Variants in RCOR3 observed in about 807,000 individuals in gnomAD.
RCOR3 encodes REST corepressor 3.
In RCOR3, 13 loss-of-function variants were observed where a neutral mutation model predicts 64.1. That is an observed-to-expected ratio of 0.20 (90% CI 0.13 to 0.32). The LOEUF (loss-of-function observed/expected upper bound fraction) is 0.32. Ranked by LOEUF, RCOR3 falls within the 10% of genes least tolerant of loss-of-function variation. RCOR3 has a pLI of 1.00. For synonymous variants in RCOR3, 215 were observed against 239.0 expected (o/e 0.90, Z 0.93); for missense variants, 489 against 701.2 (o/e 0.70, Z 3.42).
At chr1:211,267,209 CTG>C (rs1251406820) in intron 2 of RCOR3, among the ~76,000 whole-genome samples, 1 of 152,186 alleles carries the variant, frequency 6.6e-6, no homozygotes, top group African/African-American at 2.4e-5. Flanking sequence ...AGAAGGAAAA[CTG>C]AGGCACAGAC....
At chr1:211,279,382 C>G (rs1697460737) in intron 7 of RCOR3, 66 bp downstream of exon 7, 1 of 1,260,026 alleles carries the variant, frequency 7.9e-7, no homozygotes, top group African/African-American at 1.5e-5. Context: ...ATGAACAGTA[C>G]TTCGTATTAA....
At chr1:211,275,586 G>T (rs1046920662) in intron 4 of RCOR3, among the ~76,000 whole-genome samples, 2 of 152,054 alleles carry the variant, frequency 1.3e-5, no homozygotes, top group Non-Finnish European at 2.9e-5. Flanking sequence ...AAAGAGAAAG[G>T]CCTACTAAAA....
intron 2 of RCOR3, among the ~76,000 whole-genome samples, chr1:211,269,971 A>G (rs1357779499): frequency 6.6e-6 from 1 of 152,210 alleles, no homozygotes; most frequent in Non-Finnish European, 1.5e-5. Flanking sequence ...GTTTAAAAAG[A>G]AAGAAAGAAA....
chr1:211,316,128 A>G lies in RCOR3; in HGVS notation c.*2360A>G, dbSNP rs561780752. On this transcript the variant is annotated 3_prime_UTR_variant, in exon 12 of 12. Transcript: ENST00000419091. The stretch of plus-strand genomic sequence containing the variant: ...TAAAAGCAAAACTAGAAATCTTTTA[A>G]TGACAATTTTCATTAATTTCAGGGT... 38 of 152,324 alleles carry G rather than the reference A, an allele frequency of 2.5e-4. No individual in the cohort carries two copies. The highest frequency in any genetic ancestry group is 4.9e-4 in the Non-Finnish European group (33 of 68,020). The allele number at this position is 152,324 out of a possible 1,614,324, so 9.4% of individuals were successfully genotyped here.
At chr1:211,288,496 T>A (rs6671197) in intron 7 of RCOR3, among the ~76,000 whole-genome samples, 1 of 146,292 alleles carries the variant, frequency 6.8e-6, no homozygotes, top group African/African-American at 2.5e-5. Flanking sequence ...TAAATATTTA[T>A]AAATTATTTT....
intron 7 of RCOR3, among the ~76,000 whole-genome samples, chr1:211,282,768 G>A (rs973534345): frequency 6.6e-6 from 1 of 152,090 alleles, no homozygotes; most frequent in African/African-American, 2.4e-5. Flanking sequence ...CAGAGTGCTG[G>A]GATTACAGGC....
At position 211,313,259 on chromosome 1, in the gene RCOR3, T is replaced by G. The variant is rs1701673069; in HGVS notation, c.1318-165T>G. ...CTCATTGGTTTTTGGTTTTTGGTTT[T>G]GTTTTGTTTAAAATAAAAGAAGCTT... On this transcript the variant is annotated intron_variant, in intron 11 of 11. Coordinates refer to ENST00000419091, the MANE Select transcript of RCOR3 (RefSeq NM_001136223.3). The surrounding 1 kb of genome is among the most constrained non-coding windows in gnomAD (Gnocchi z 4.7). 4 of 1,431,770 alleles carry G rather than the reference T, an allele frequency of 2.8e-6. No individual in the cohort carries two copies. Among genetic ancestry groups the G allele is most frequent in the Non-Finnish European group, 3.6e-6 (4 of 1,098,686 alleles). 88.7% of individuals were successfully genotyped at this position (1,431,770 alleles called of 1,614,324 possible).
rs1696044697 is a variant in RCOR3 at position 211,270,758 on chromosome 1, CTAT to C, written c.224-473_224-471del. ...TTAGTTTTTATAAGCAAAATATTTACTATATGTAATGTAAATCTGTTTTCCTTC... is the reference window on the plus strand; with the variant it reads ...TTAGTTTTTATAAGCAAAATATTTACATGTAATGTAAATCTGTTTTCCTTC... On this transcript the variant is annotated intron_variant, in intron 2 of 11. Transcript: ENST00000419091. Among the ~76,000 whole-genome samples the C allele has an allele frequency of 3.9e-5, 6 of 152,020 alleles. No homozygotes were observed. The East Asian group carries it at 9.7e-4, about 24-fold the overall frequency.
chr1:211,305,418 A>G (rs1700759178), intron 10 of RCOR3, among the ~76,000 whole-genome samples: 1 of 152,204 alleles, frequency 6.6e-6, no homozygotes, highest in Admixed American at 6.5e-5. Context: ...TATTGTTTAA[A>G]AAATTAGCAT....
At chr1:211,263,710 T>C (rs558370087) in intron 2 of RCOR3, among the ~76,000 whole-genome samples, 59 of 152,364 alleles carry the variant, frequency 3.9e-4, no homozygotes, top group South Asian at 1.2e-3. Flanking sequence ...TATTTTATTC[T>C]TATTTATAAG....
intron 6 of RCOR3, 51 bp downstream of exon 6, chr1:211,278,292 T>C (rs1349953246): frequency 1.3e-6 from 2 of 1,572,384 alleles, no homozygotes; most frequent in East Asian, 4.6e-5. Flanking sequence ...CTGCATTGTA[T>C]TGCTTACATT....
At chr1:211,263,030 A>G (rs1423832039) in intron 2 of RCOR3, among the ~76,000 whole-genome samples, 1 of 62,152 alleles carries the variant, frequency 1.6e-5, no homozygotes, top group Non-Finnish European at 2.9e-5. Context: ...CCCTGCCCCC[A>G]CCCCACAACA....
At position 211,259,743 on chromosome 1, in the gene RCOR3, C is replaced by T; in HGVS notation, c.166+17C>T. The T allele has an allele frequency of 6.8e-7, 1 of 1,463,036 alleles. No homozygotes were observed. The highest frequency in any genetic ancestry group is 9.0e-7 in the Non-Finnish European group (1 of 1,108,362). The allele number at this position is 1,463,036 out of a possible 1,614,324, so 90.6% of individuals were successfully genotyped here. A position where few individuals can be genotyped will look rare whatever the true frequency, so the allele number is the denominator to read the frequency against. ...ACGAGCACGGTGGTAGCCTCGAACTCCTCCCCGCCAGCCCGCCTGCCCCCC... is the reference window on the plus strand; with the variant it reads ...ACGAGCACGGTGGTAGCCTCGAACTTCTCCCCGCCAGCCCGCCTGCCCCCC... On this transcript the variant is annotated intron_variant, in intron 1 of 11. Transcript: ENST00000419091.
At chr1:211,309,538 A>T (rs929473056) in intron 10 of RCOR3, among the ~76,000 whole-genome samples, 1 of 152,220 alleles carries the variant, frequency 6.6e-6, no homozygotes, top group Admixed American at 6.5e-5. Context: ...GACTGAAAAC[A>T]ATTTTTTTCT....
chr1:211,281,133 T>C (rs955965873), intron 7 of RCOR3, among the ~76,000 whole-genome samples: 2 of 152,154 alleles, frequency 1.3e-5, no homozygotes, highest in Non-Finnish European at 2.9e-5. Context: ...AGTAATTTCC[T>C]AAATGCCACA....
chr1:211,268,164 T>C (rs1695519041), intron 2 of RCOR3, among the ~76,000 whole-genome samples: 1 of 152,112 alleles, frequency 6.6e-6, no homozygotes, highest in Admixed American at 6.5e-5. Flanking sequence ...TGTTAAAGGA[T>C]TGAAGTTTAG....
intron 2 of RCOR3, among the ~76,000 whole-genome samples, chr1:211,266,993 C>G (rs2102442866): frequency 6.6e-6 from 1 of 152,184 alleles, no homozygotes; most frequent in South Asian, 2.1e-4. Context: ...AGGATTTATT[C>G]ATTTATTTTG....
chr1:211,313,229 G>A lies in RCOR3; in HGVS notation c.1318-195G>A. ...GTTTACAAATAAAGATGCCTGTTTG[G>A]TAGCCTCATTGGTTTTTGGTTTTTG... is the stretch of plus-strand genomic sequence containing the variant. On this transcript the variant is annotated intron_variant, in intron 11 of 11. Coordinates refer to ENST00000419091, the MANE Select transcript of RCOR3 (RefSeq NM_001136223.3). This position sits in a 1 kb window ranked among gnomAD's most constrained non-coding sequence, Gnocchi z 4.7. The A allele has an allele frequency of 9.8e-6, 14 of 1,428,916 alleles. No homozygotes were observed. The highest frequency in any genetic ancestry group is 1.3e-5 in the Non-Finnish European group (14 of 1,098,248). 88.5% of individuals were successfully genotyped at this position (1,428,916 alleles called of 1,614,324 possible). A position where few individuals can be genotyped will look rare whatever the true frequency, so the allele number is the denominator to read the frequency against.
rs887963147 is a variant in RCOR3, at chr1:211,314,229, A to G, written c.*461A>G. The G allele has an allele frequency of 3.3e-5, 5 of 152,960 alleles. No homozygotes were observed. The highest frequency in any genetic ancestry group is 3.3e-4 in the Admixed American group (5 of 15,332). The allele number at this position is 152,960 out of a possible 1,614,324, so 9.5% of individuals were successfully genotyped here. A position where few individuals can be genotyped will look rare whatever the true frequency, so the allele number is the denominator to read the frequency against. On this transcript the variant is annotated 3_prime_UTR_variant, in exon 12 of 12. Coordinates refer to ENST00000419091, the MANE Select transcript of RCOR3 (RefSeq NM_001136223.3). ...TTAATTTTTTAAAAACCATTTTCCT[A>G]TGTTAGGAGTGCAAGAATAGCCAGC...
Sources: allele counts gnomAD v4.1 joint callset (sites outside exome capture counted in the v4.1 genomes callset), GRCh38; gene constraint gnomAD v4.1.1; non-coding constraint Gnocchi (gnomAD v3.1); transcripts MANE v1.5; gene names NCBI Gene and HGNC (gene_info 2026-07-23, HGNC 2026-07-21).